The following RBM20 variants were observed in gnomAD, a reference collection of about 807,000 sequenced individuals.
The protein encoded by RBM20 is RNA-binding protein 20.
A neutral mutation model predicts 110.1 loss-of-function variants in RBM20; 51 were observed. That is an observed-to-expected ratio of 0.46 (90% CI 0.37 to 0.59). The LOEUF (loss-of-function observed/expected upper bound fraction) is 0.59. Ranked by LOEUF, RBM20 falls within the 20% of genes least tolerant of loss-of-function variation. The probability of loss-of-function intolerance (pLI) is 0.00; values close to 1 mark genes in which losing one functional copy is unlikely to be tolerated. For missense variants in RBM20, 1,512 were observed against 1,574.9 expected (o/e 0.96, Z 0.68); for synonymous variants, 589 against 618.2 (o/e 0.95, Z 0.70).
chr10:110,738,576 G>A (rs1843696032), intron 1 of RBM20, among the ~76,000 whole-genome samples: 1 of 152,104 alleles, frequency 6.6e-6, no homozygotes, highest in Non-Finnish European at 1.5e-5. Context: ...ACGAAACGGT[G>A]CAACTTGGAC....
At chr10:110,651,201 C>T (rs1172492084) in intron 1 of RBM20, among the ~76,000 whole-genome samples, 1 of 152,194 alleles carries the variant, frequency 6.6e-6, no homozygotes, top group Non-Finnish European at 1.5e-5. Flanking sequence ...CTACTTCCTC[C>T]ATCACCTGAT....
At chr10:110,663,906 A>G (rs1222625070) in intron 1 of RBM20, among the ~76,000 whole-genome samples, 2 of 152,212 alleles carry the variant, frequency 1.3e-5, no homozygotes, top group African/African-American at 2.4e-5. Flanking sequence ...CCACATAAAC[A>G]TATGAGTATA....
At chr10:110,767,816 C>T (rs1166714380) in intron 1 of RBM20, among the ~76,000 whole-genome samples, 5 of 151,880 alleles carry the variant, frequency 3.3e-5, no homozygotes, top group African/African-American at 7.3e-5. Flanking sequence ...GGGATGGCGG[C>T]GGGGCAGAGA....
chr10:110,676,194 A>G (rs761515224), intron 1 of RBM20, among the ~76,000 whole-genome samples: 37 of 152,206 alleles, frequency 2.4e-4, no homozygotes, highest in Non-Finnish European at 2.8e-4. Context: ...CATTGTACTG[A>G]AATTTGGCAT....
rs868524421 is a variant in RBM20 at position 110,781,576 on chromosome 10, C to A, written c.967C>A (p.His323Asn). 2 of 1,551,550 alleles carry A rather than the reference C, an allele frequency of 1.3e-6. No homozygotes were observed. Among genetic ancestry groups the A allele is most frequent in the Admixed American group, 2.0e-5 (1 of 50,990 alleles). Residue 323 changes from histidine to asparagine, a missense_variant, in exon 2 of 14, where the codon CAT (histidine) becomes AAT (asparagine). Physicochemically the swap from His to Asn is moderately conservative, Grantham distance 68. Coordinates refer to ENST00000369519, the MANE Select transcript of RBM20 (RefSeq NM_001134363.3). ...CACAAACAGCCAATGGGAGAGCCCCCATGGATTCTCGGGCCAAAGCAAGCC... is the reference window on the plus strand; with the variant it reads ...CACAAACAGCCAATGGGAGAGCCCCAATGGATTCTCGGGCCAAAGCAAGCC... ...QGTNSQWESP[H>N]GFSGQSKPDL...
intron 1 of RBM20, among the ~76,000 whole-genome samples, chr10:110,688,763 T>A (rs1862542066): frequency 6.6e-6 from 1 of 152,258 alleles, no homozygotes; most frequent in East Asian, 1.9e-4. Flanking sequence ...ACATTATTAA[T>A]GTTGGTACAA....
chr10:110,716,936 G>T (rs1437478054), intron 1 of RBM20, among the ~76,000 whole-genome samples: 1 of 145,836 alleles, frequency 6.9e-6, no homozygotes, highest in African/African-American at 2.5e-5. Flanking sequence ...AAAAAAAAAA[G>T]ATTTAAAACA....
chr10:110,664,870 G>GTCTC lies in RBM20; in HGVS notation c.191+20239_191+20242dup, dbSNP rs377098638. Among the ~76,000 whole-genome samples the GTCTC allele has an allele frequency of 1.1e-3, 172 of 150,942 alleles. 1 individual carries two copies. The highest frequency in any genetic ancestry group is 3.4e-3 in the Middle Eastern group (1 of 290). ...GTCTTCCTCCTGTCCTCCTTCTTCAGTCTCTCTCTCTCTCTCTTTTTAGAG... is the reference window on the plus strand; with the variant it reads ...GTCTTCCTCCTGTCCTCCTTCTTCAGTCTCTCTCTCTCTCTCTCTCTTTTTAGAG... On this transcript the variant is annotated intron_variant, in intron 1 of 13. Transcript: ENST00000369519.
At chr10:110,803,305 A>G (rs1430696556) in intron 7 of RBM20, among the ~76,000 whole-genome samples, 9 of 152,204 alleles carry the variant, frequency 5.9e-5, no homozygotes, top group African/African-American at 1.9e-4. Context: ...CTAAAGCTGC[A>G]TTGTTATAGT....
intron 1 of RBM20, among the ~76,000 whole-genome samples, chr10:110,684,879 C>T (rs1483870458): frequency 1.3e-5 from 2 of 152,150 alleles, no homozygotes; most frequent in African/African-American, 2.4e-5. Context: ...AGCACTCCGC[C>T]GGCCCTGCCC....
chr10:110,757,463 CCTT>C (rs1325981900), intron 1 of RBM20, among the ~76,000 whole-genome samples: 1 of 152,144 alleles, frequency 6.6e-6, no homozygotes, highest in East Asian at 1.9e-4. Context: ...GGGTCTTTCT[CCTT>C]CTCCTGATCC....
chr10:110,647,925 A>T (rs1489185674), intron 1 of RBM20, among the ~76,000 whole-genome samples: 1 of 152,202 alleles, frequency 6.6e-6, no homozygotes, highest in Non-Finnish European at 1.5e-5. Flanking sequence ...GGAACCACGA[A>T]GTATACCACT....
In RBM20 at chr10:110,838,566, T is replaced by C. The variant is rs1327584490; in HGVS notation, c.*2588T>C. ...TTTTATCAGAGGTTAGAACTGTACA[T>C]TATCAGAGAGACTGGACACTTTATC... On this transcript the variant is annotated 3_prime_UTR_variant, in exon 14 of 14. Coordinates refer to ENST00000369519, the MANE Select transcript of RBM20 (RefSeq NM_001134363.3). 6.6e-6 allele frequency: 1 copy of C among 152,240 alleles called. No homozygotes were observed. Among genetic ancestry groups the C allele is most frequent in the African/African-American group, 2.4e-5 (1 of 41,458 alleles). The allele number at this position is 152,240 out of a possible 1,614,324, so 9.4% of individuals were successfully genotyped here.
chr10:110,773,907 A>G (rs554036286), intron 1 of RBM20, among the ~76,000 whole-genome samples: 2 of 152,314 alleles, frequency 1.3e-5, no homozygotes, highest in East Asian at 1.9e-4. Context: ...CGGGGATCTG[A>G]TACCAAACAT....
At chr10:110,783,319 C>T (rs1227378363) in intron 2 of RBM20, 47 bp from the exon 3 acceptor site, 6 of 1,458,000 alleles carry the variant, frequency 4.1e-6, no homozygotes, top group Admixed American at 2.0e-5. Flanking sequence ...TTTGCCTTCC[C>T]ATGGACTCAG....
chr10:110,723,434 G>C (rs758948415), intron 1 of RBM20, among the ~76,000 whole-genome samples: 4 of 152,158 alleles, frequency 2.6e-5, no homozygotes, highest in Non-Finnish European at 5.9e-5. Context: ...ATATAAATGG[G>C]ATAATGTAGG....
chr10:110,654,863 A>G (rs967985873), intron 1 of RBM20, among the ~76,000 whole-genome samples: 7 of 152,342 alleles, frequency 4.6e-5, no homozygotes, highest in Middle Eastern at 3.4e-3. Context: ...TAAAGTGAAT[A>G]ACAACTAACT....
At chr10:110,725,826 G>A (rs917003379) in intron 1 of RBM20, among the ~76,000 whole-genome samples, 3 of 152,246 alleles carry the variant, frequency 2.0e-5, no homozygotes, top group African/African-American at 7.2e-5. Context: ...TGTATAGGAA[G>A]CTGAGAGCAT....
At position 110,821,879 on chromosome 10, in the gene RBM20, G is replaced by GC. The variant is rs760334885; in HGVS notation, c.3267dup (p.Ile1090HisfsTer4). 19 of 1,551,460 alleles carry GC rather than the reference G, an allele frequency of 1.2e-5. No homozygotes were observed. Among genetic ancestry groups the GC allele is most frequent in the Non-Finnish European group, 1.5e-5 (17 of 1,146,994 alleles). On this transcript the variant is annotated frameshift_variant, in exon 11 of 14. Transcript: ENST00000369519. LOFTEE classifies it high-confidence loss of function. The stretch of plus-strand genomic sequence containing the variant: ...GGCAGCCCCCTGGAGGAGAAAGCCA[G>GC]CCCCCCCATCGAAACTGACCTCCAA...
Sources: allele counts gnomAD v4.1 joint callset (sites outside exome capture counted in the v4.1 genomes callset), GRCh38; gene constraint gnomAD v4.1.1; transcripts MANE v1.5; gene names NCBI Gene and HGNC (gene_info 2026-07-23, HGNC 2026-07-21).